The following SRSF9 variants were observed in gnomAD, a reference collection of about 807,000 sequenced individuals.
SRSF9 encodes the protein serine/arginine-rich splicing factor 9.
SRSF9 carries 3 observed loss-of-function variants against 25.9 expected under a neutral mutation model. That is an observed-to-expected ratio of 0.12 (90% confidence interval 0.05 to 0.30). The LOEUF (loss-of-function observed/expected upper bound fraction) is 0.30, where lower values mean the gene tolerates loss of function less well. Ranked by LOEUF, SRSF9 falls within the 10% of genes least tolerant of loss-of-function variation. The pLI is 1.00. For missense variants in SRSF9, 161 were observed against 303.5 expected (o/e 0.53, Z 3.49); for synonymous variants, 114 against 113.2 (o/e 1.01, Z -0.05).
At chr12:120,464,164 T>C (rs1878429720) in intron 2 of SRSF9, 42 bp from the exon 3 acceptor site, 1 of 1,587,178 alleles carries the variant, frequency 6.3e-7, no homozygotes, top group South Asian at 1.2e-5. Flanking sequence ...CCTTCAGCTA[T>C]GTTAACTGCC....
At chr12:120,465,273 T>C (rs1878457315) in intron 2 of SRSF9, 2 of 168,896 alleles carry the variant, frequency 1.2e-5, no homozygotes, top group Non-Finnish European at 2.5e-5. Context: ...GCTGGGTAAG[T>C]TGTTCAAATC....
chr12:120,467,949 G>T (rs1378001361), intron 1 of SRSF9, among the ~76,000 whole-genome samples: 5 of 123,604 alleles, frequency 4.0e-5, no homozygotes, highest in African/African-American at 1.3e-4. Flanking sequence ...AGAAAAATCA[G>T]CCAGGCATGA....
chr12:120,466,031 A>G (rs1878475033), intron 1 of SRSF9, among the ~76,000 whole-genome samples: 1 of 152,222 alleles, frequency 6.6e-6, no homozygotes, highest in African/African-American at 2.4e-5. Flanking sequence ...ATGAATGAGC[A>G]AACAGATTAC....
chr12:120,467,181 T>G (rs1313584231), intron 1 of SRSF9, among the ~76,000 whole-genome samples: 1 of 105,756 alleles, frequency 9.5e-6, no homozygotes, highest in Non-Finnish European at 1.8e-5. Flanking sequence ...GAGGCAGAAC[T>G]GCTAGGAGGT....
Position 120,469,742 on chromosome 12 carries a change from C to G in SRSF9, c.-133G>C, listed in dbSNP as rs1039296673. ...GCATTGTGGGAACGCGGAGCGGAAGCGAAGGGGTCGGCGGAGGCAAAAGGA... is the reference window on the plus strand; with the variant it reads ...GCATTGTGGGAACGCGGAGCGGAAGGGAAGGGGTCGGCGGAGGCAAAAGGA... On this transcript the variant is annotated 5_prime_UTR_variant, in exon 1 of 4. Coordinates refer to ENST00000229390, the MANE Select transcript of SRSF9 (RefSeq NM_003769.3). 1.3e-4 allele frequency: 64 copies of G among 482,212 alleles called. No homozygotes were observed. In the Admixed American group the frequency reaches 1.9e-3, roughly 14 times the overall value. 29.9% of individuals were successfully genotyped at this position (482,212 alleles called of 1,614,324 possible).
intron 1 of SRSF9, among the ~76,000 whole-genome samples, chr12:120,467,062 A>C (rs1414659290): frequency 2.0e-5 from 3 of 152,224 alleles, no homozygotes; most frequent in African/African-American, 7.2e-5. Context: ...TGTGCTAATG[A>C]AGGCATTGTT....
intron 3 of SRSF9, chr12:120,463,690 C>A (rs1449663373): frequency 3.0e-6 from 1 of 329,792 alleles, no homozygotes; most frequent in Non-Finnish European, 5.5e-6. Flanking sequence ...GTTACAAATA[C>A]CATGACCAAA....
At chr12:120,469,395 G>T (rs200028358) in intron 1 of SRSF9, 27 bp downstream of exon 1, 1 of 1,547,558 alleles carries the variant, frequency 6.5e-7, no homozygotes, top group East Asian at 2.6e-5. Flanking sequence ...CACCGAGGAG[G>T]AGAGGGCAGG....
chr12:120,464,205 T>C, intron 2 of SRSF9, 83 bp from the exon 3 acceptor site: 1 of 1,444,990 alleles, frequency 6.9e-7, no homozygotes, highest in Non-Finnish European at 9.3e-7. Flanking sequence ...CTATGGTCCT[T>C]TCTCCATGAT....
chr12:120,464,204 T>C (rs542407), intron 2 of SRSF9, 82 bp from the exon 3 acceptor site: 988,429 of 1,461,492 alleles, frequency 0.68, 337,819 homozygotes, highest in African/African-American at 0.92. Context: ...CCTATGGTCC[T>C]TTCTCCATGA....
Position 120,461,852 on chromosome 12 carries a change from A to G in SRSF9, c.*167T>C. The G allele has an allele frequency of 3.0e-6, 2 of 661,398 alleles. No homozygotes were observed. Among genetic ancestry groups the G allele is most frequent in the East Asian group, 3.3e-5 (1 of 29,890 alleles). The allele number at this position is 661,398 out of a possible 1,614,324, so 41.0% of individuals were successfully genotyped here. A position where few individuals can be genotyped will look rare whatever the true frequency, so the allele number is the denominator to read the frequency against. Reference sequence around the variant, plus strand: ...CAATTTCTGCAGTTTAAAATGTTTCACTGCTAATATGGCCCTGGTAGAAAT... The same window carrying G: ...CAATTTCTGCAGTTTAAAATGTTTCGCTGCTAATATGGCCCTGGTAGAAAT... On this transcript the variant is annotated 3_prime_UTR_variant, in exon 4 of 4. Transcript: ENST00000229390.
chr12:120,465,256 A>T (rs1878456766), intron 2 of SRSF9: 1 of 164,050 alleles, frequency 6.1e-6, no homozygotes, highest in Non-Finnish European at 1.3e-5. Context: ...CTTCTTCAGG[A>T]TCCAAGGCTG....
At chr12:120,465,011 G>A (rs1172705340) in intron 2 of SRSF9, 1 of 152,088 alleles carries the variant, frequency 6.6e-6, no homozygotes, top group Non-Finnish European at 1.5e-5. Flanking sequence ...AAGGTGCCAG[G>A]CTCCTCGATT....
chr12:120,465,598 T>C (rs538788235), intron 2 of SRSF9, 29 bp downstream of exon 2: 2 of 1,555,542 alleles, frequency 1.3e-6, no homozygotes, highest in South Asian at 2.5e-5. Flanking sequence ...TTTACATGTA[T>C]CATCTCATTC....
intron 1 of SRSF9, among the ~76,000 whole-genome samples, chr12:120,466,293 A>G (rs1017147363): frequency 6.6e-6 from 1 of 152,140 alleles, no homozygotes; most frequent in African/African-American, 2.4e-5. Context: ...ATGGGAGTGC[A>G]GAGCCAAGAT....
At chr12:120,468,848 C>T (rs1040968951) in intron 1 of SRSF9, among the ~76,000 whole-genome samples, 2 of 152,206 alleles carry the variant, frequency 1.3e-5, no homozygotes, top group Admixed American at 6.5e-5. Context: ...AAATCAGAGC[C>T]CCACTCCGGC....
intron 1 of SRSF9, among the ~76,000 whole-genome samples, chr12:120,468,605 G>A (rs1336883415): frequency 6.6e-6 from 1 of 152,204 alleles, no homozygotes; most frequent in Non-Finnish European, 1.5e-5. Context: ...ATGATGCTAG[G>A]AAAACAGGGT....
Position 120,465,904 on chromosome 12 carries a change from G to GA in SRSF9, c.189-118dup, listed in dbSNP as rs561693688. On this transcript the variant is annotated intron_variant, in intron 1 of 3. Coordinates refer to ENST00000229390, the MANE Select transcript of SRSF9 (RefSeq NM_003769.3). ...GCATAAAAGGGAAACCTAGAGTGAA[G>GA]AAAAAAACACACAAATCAGGATCCT... 1.1e-4 allele frequency: 106 copies of GA among 985,910 alleles called. No homozygotes were observed. The African/African-American group carries it at 1.7e-3, about 16-fold the overall frequency. The allele number at this position is 985,910 out of a possible 1,614,324, so 61.1% of individuals were successfully genotyped here. A position where few individuals can be genotyped will look rare whatever the true frequency, so the allele number is the denominator to read the frequency against.
At chr12:120,465,446 G>A (rs1455078295) in intron 2 of SRSF9, 181 bp downstream of exon 2, 3 of 550,022 alleles carry the variant, frequency 5.5e-6, no homozygotes, top group South Asian at 8.9e-5. Flanking sequence ...CACTCCCAGC[G>A]CAATTTCATT....
Sources: gnomAD v4.1 joint callset for allele counts (sites outside exome capture counted in the v4.1 genomes callset) on GRCh38, gnomAD v4.1.1 for gene constraint, MANE v1.5 for transcripts, NCBI Gene and HGNC (gene_info 2026-07-23, HGNC 2026-07-21) for gene names.